Variants in ACVR1 observed in about 807,000 individuals in gnomAD.
The protein encoded by ACVR1 is activin receptor type-1.
Under a neutral mutation model 57.1 loss-of-function variants are expected in ACVR1, and 38 were observed. The ratio of observed to expected loss-of-function variants is 0.67; its 90% CI spans 0.51 to 0.87. The LOEUF is 0.87. ACVR1 is among the 40% of genes least tolerant of loss of function. The pLI is 0.00. For missense variants in ACVR1, 463 were observed against 638.2 expected, an observed-to-expected ratio of 0.73 and a Z score of 2.96; for synonymous variants, 212 against 228.1, an observed-to-expected ratio of 0.93 and a Z score of 0.63.
At chr2:157,843,945 G>GA (rs1377225178) in intron 1 of ACVR1, among the ~76,000 whole-genome samples, 1 of 151,948 alleles carries the variant, frequency 6.6e-6, no homozygotes, top group Non-Finnish European at 1.5e-5. Flanking sequence ...AGACGAAAAA[G>GA]AAAAAAGGAG....
At chr2:157,738,323 A>G in intron 10 of ACVR1, 117 bp downstream of exon 10, 3 of 1,477,028 alleles carry the variant, frequency 2.0e-6, no homozygotes, top group Admixed American at 1.7e-5. Context: ...AAATAGGAAG[A>G]GAAAACAACA....
chr2:157,762,912 G>A (rs1238580220), intron 8 of ACVR1, among the ~76,000 whole-genome samples: 2 of 152,178 alleles, frequency 1.3e-5, no homozygotes, highest in Non-Finnish European at 2.9e-5. Context: ...GCGTTCAGAT[G>A]ATTGCAACCT....
rs189314549 is a variant in ACVR1, at chr2:157,792,162, A to G, written c.67+7265T>C. On this transcript the variant is annotated intron_variant, in intron 3 of 10. Coordinates refer to ENST00000434821, the MANE Select transcript of ACVR1 (RefSeq NM_001111067.4). ...TTTTTTTTTTAAGGTGAATGTCACCATCATGTGCCCAAGAGGAATTTCTCA... is the reference window on the plus strand; with the variant it reads ...TTTTTTTTTTAAGGTGAATGTCACCGTCATGTGCCCAAGAGGAATTTCTCA... 1.4e-3 allele frequency among the ~76,000 whole-genome samples: 209 copies of G among 152,016 alleles called. 2 individuals carry two copies. Among genetic ancestry groups the G allele is most frequent in the African/African-American group, 5.0e-3 (206 of 41,466 alleles).
intron 1 of ACVR1, among the ~76,000 whole-genome samples, chr2:157,848,307 T>A (rs920829647): frequency 2.0e-5 from 3 of 151,730 alleles, no homozygotes; most frequent in African/African-American, 7.2e-5. Context: ...CCACTTCCTG[T>A]CTTTTGAGAC....
intron 1 of ACVR1, among the ~76,000 whole-genome samples, chr2:157,838,005 A>G (rs985567058): frequency 6.6e-6 from 1 of 152,152 alleles, no homozygotes; most frequent in Admixed American, 6.6e-5. Context: ...TGCACACACC[A>G]TTAATGGAGT....
At chr2:157,828,478 G>T (rs1418399479) in intron 1 of ACVR1, among the ~76,000 whole-genome samples, 1 of 150,580 alleles carries the variant, frequency 6.6e-6, no homozygotes, top group African/African-American at 2.4e-5. Context: ...AAAATTAGGT[G>T]GGCATAGCAG....
At chr2:157,809,823 C>T (rs1318094549) in intron 2 of ACVR1, among the ~76,000 whole-genome samples, 1 of 151,998 alleles carries the variant, frequency 6.6e-6, no homozygotes, top group Non-Finnish European at 1.5e-5. Context: ...GCTTGTAATC[C>T]CAGCACTTTG....
At chr2:157,794,576 C>T (rs1006920898) in intron 3 of ACVR1, among the ~76,000 whole-genome samples, 9 of 152,110 alleles carry the variant, frequency 5.9e-5, no homozygotes, top group South Asian at 2.1e-4. Context: ...GAACACCATT[C>T]CTCAAAGTAT....
intron 7 of ACVR1, among the ~76,000 whole-genome samples, chr2:157,769,734 G>GT (rs964629606): frequency 7.2e-5 from 11 of 152,168 alleles, no homozygotes; most frequent in Non-Finnish European, 5.9e-5. Flanking sequence ...CACCATACAT[G>GT]TATCAGTATA....
chr2:157,786,476 A>G (rs1686714480), intron 3 of ACVR1, among the ~76,000 whole-genome samples: 2 of 152,210 alleles, frequency 1.3e-5, no homozygotes, highest in African/African-American at 4.8e-5. Context: ...ACAGATCTTA[A>G]GGCAGGGCTT....
At chr2:157,858,425 T>C (rs193150455) in intron 1 of ACVR1, among the ~76,000 whole-genome samples, 2 of 152,284 alleles carry the variant, frequency 1.3e-5, no homozygotes, top group Admixed American at 1.3e-4. Flanking sequence ...CATCTGTATC[T>C]AGCCCTTTCC....
At chr2:157,859,312 C>T (rs958343670) in intron 1 of ACVR1, among the ~76,000 whole-genome samples, 9 of 152,140 alleles carry the variant, frequency 5.9e-5, no homozygotes, top group African/African-American at 1.2e-4. Flanking sequence ...ACAAATGCCA[C>T]GGCAATGTCA....
intron 3 of ACVR1, among the ~76,000 whole-genome samples, chr2:157,788,170 C>A (rs547312301): frequency 6.6e-6 from 1 of 152,190 alleles, no homozygotes; most frequent in African/African-American, 2.4e-5. Flanking sequence ...TCCTGCCCCA[C>A]AGAAAAGCAC....
intron 9 of ACVR1, among the ~76,000 whole-genome samples, chr2:157,743,406 T>A (rs1313568643): frequency 6.6e-6 from 1 of 152,126 alleles, no homozygotes; most frequent in Non-Finnish European, 1.5e-5. Flanking sequence ...AACAAGAATG[T>A]GAGCACCTTT....
intron 9 of ACVR1, among the ~76,000 whole-genome samples, chr2:157,748,641 AAAC>A (rs1685062625): frequency 6.6e-6 from 1 of 152,106 alleles, no homozygotes; most frequent in Non-Finnish European, 1.5e-5. Flanking sequence ...TAAAAAAAAA[AAAC>A]AACTTTAAAA....
chr2:157,765,282 C>T (rs983523871), intron 8 of ACVR1, among the ~76,000 whole-genome samples: 8 of 152,156 alleles, frequency 5.3e-5, no homozygotes, highest in African/African-American at 1.9e-4. Flanking sequence ...TATTTCTTAA[C>T]TTGATTCTTT....
rs1686462251 is a variant in ACVR1 at position 157,780,419 on chromosome 2, G to A, written c.249C>T (p.Thr83=). The part of the protein sequence containing the change: ...VYEQGKMTCK[T]PPSPGQAVEC... Reference sequence around the variant, plus strand: ...CCACGGCTTGGCCAGGGGACGGCGGGGTCTTACAGGTCATCTTTCCCTGCT... The same window carrying A: ...CCACGGCTTGGCCAGGGGACGGCGGAGTCTTACAGGTCATCTTTCCCTGCT... Residue 83 remains threonine (T), a synonymous_variant, in exon 4 of 11, where the codon ACC becomes ACT. Transcript: ENST00000434821. 6.2e-7 allele frequency: 1 copy of A among 1,613,988 alleles called. No individual in the cohort carries two copies. Among genetic ancestry groups the A allele is most frequent in the Non-Finnish European group, 8.5e-7 (1 of 1,180,002 alleles).
intron 1 of ACVR1, among the ~76,000 whole-genome samples, chr2:157,845,974 A>G (rs2105359893): frequency 6.6e-6 from 1 of 152,370 alleles, no homozygotes; most frequent in Admixed American, 6.5e-5. Context: ...CTTTATGAAG[A>G]AAGATCCTTG....
At chr2:157,784,723 C>T (rs1419729236) in intron 3 of ACVR1, among the ~76,000 whole-genome samples, 1 of 152,186 alleles carries the variant, frequency 6.6e-6, no homozygotes, top group South Asian at 2.1e-4. Flanking sequence ...CACAAACCAG[C>T]GGTGCAGGCT....
Sources: allele counts gnomAD v4.1 joint callset (sites outside exome capture counted in the v4.1 genomes callset), GRCh38; gene constraint gnomAD v4.1.1; transcripts MANE v1.5; gene names NCBI Gene and HGNC (gene_info 2026-07-23, HGNC 2026-07-21).